MTUS2: variants seen among roughly 807,000 people sequenced by gnomAD.
MTUS2 encodes microtubule-associated tumor suppressor candidate 2.
MTUS2 carries 40 observed loss-of-function variants against 114.1 expected under a neutral mutation model. The observed-to-expected ratio is 0.35, with a 90% CI of 0.27 to 0.46. The LOEUF is 0.46. Among genes scored for constraint, MTUS2 ranks in the 20% least tolerant of loss-of-function variants. MTUS2 has a pLI of 1.00. For missense variants in MTUS2, 1,679 were observed against 1,705.4 expected, an observed-to-expected ratio of 0.98 and a Z score of 0.27; for synonymous variants, 688 against 672.0, an observed-to-expected ratio of 1.02 and a Z score of -0.37.
chr13:29,195,857 A>G (rs1355305728), intron 5 of MTUS2, among the ~76,000 whole-genome samples: 1 of 152,140 alleles, frequency 6.6e-6, no homozygotes, highest in Non-Finnish European at 1.5e-5. Context: ...TGATTTGGGG[A>G]AACTGGAAAA....
At chr13:28,843,634 T>C (rs904723472) in intron 2 of MTUS2, among the ~76,000 whole-genome samples, 10 of 152,224 alleles carry the variant, frequency 6.6e-5, no homozygotes, top group African/African-American at 2.4e-4. Flanking sequence ...AGAAACCATA[T>C]AAGCTTCTTT....
chr13:29,046,964 G>A (rs1474561028), intron 4 of MTUS2, among the ~76,000 whole-genome samples: 1 of 152,156 alleles, frequency 6.6e-6, no homozygotes, highest in Non-Finnish European at 1.5e-5. Context: ...CCCAGCCAAT[G>A]GGGAAAGGGT....
chr13:29,261,559 A>C (rs1029702150), intron 5 of MTUS2, among the ~76,000 whole-genome samples: 1 of 152,232 alleles, frequency 6.6e-6, no homozygotes, highest in Non-Finnish European at 1.5e-5. Flanking sequence ...TTAGAACAGA[A>C]AAAATCCAAG....
intron 8 of MTUS2, among the ~76,000 whole-genome samples, chr13:29,360,579 C>A (rs896697076): frequency 6.6e-6 from 1 of 151,928 alleles, no homozygotes; most frequent in Admixed American, 6.6e-5. Flanking sequence ...CCTCCCCAAC[C>A]AGAATTTTAA....
chr13:28,838,354 C>T (rs916919964), intron 1 of MTUS2, among the ~76,000 whole-genome samples: 2 of 152,296 alleles, frequency 1.3e-5, no homozygotes, highest in South Asian at 2.1e-4. Context: ...GTGCATGCTT[C>T]GAATTAACAT....
intron 5 of MTUS2, among the ~76,000 whole-genome samples, chr13:29,264,659 C>G (rs34192650): frequency 0.013 from 1,992 of 152,384 alleles, 27 homozygotes; most frequent in East Asian, 0.081. Flanking sequence ...CCACATGGAA[C>G]CTGCCAAGGC....
intron 5 of MTUS2, among the ~76,000 whole-genome samples, chr13:29,111,909 A>G (rs1593488570): frequency 6.6e-6 from 1 of 152,166 alleles, no homozygotes; most frequent in Non-Finnish European, 1.5e-5. Flanking sequence ...ATGATAAAGT[A>G]AGAAAGTGCC....
At chr13:29,076,686 A>G (rs1184821120) in intron 4 of MTUS2, among the ~76,000 whole-genome samples, 1 of 152,158 alleles carries the variant, frequency 6.6e-6, no homozygotes, top group Non-Finnish European at 1.5e-5. Context: ...GCAATCCAAG[A>G]GCCCAGGGAA....
intron 8 of MTUS2, among the ~76,000 whole-genome samples, chr13:29,405,722 C>T (rs1341919646): frequency 1.3e-5 from 2 of 149,476 alleles, no homozygotes; most frequent in South Asian, 2.1e-4. Flanking sequence ...TATATTATGA[C>T]GACCATGGGC....
In MTUS2 at chr13:29,248,258, G is replaced by C. The variant is rs377220661; in HGVS notation, c.2645-33446G>C. On this transcript the variant is annotated intron_variant, in intron 5 of 15. Transcript: ENST00000612955. Reference sequence around the variant, plus strand: ...TTGGAGACTTGGGGAAGGGTGGGAGGGGGGTCATGGATAAAAGACTGCACA... The same window carrying C: ...TTGGAGACTTGGGGAAGGGTGGGAGCGGGGTCATGGATAAAAGACTGCACA... Among the ~76,000 whole-genome samples the C allele has an allele frequency of 2.1e-4, 32 of 152,076 alleles. No individual in the cohort carries two copies. The East Asian group carries it at 5.4e-3, about 26-fold the overall frequency.
intron 2 of MTUS2, among the ~76,000 whole-genome samples, chr13:28,984,956 T>G (rs535274057): frequency 1.3e-5 from 2 of 152,350 alleles, no homozygotes; most frequent in East Asian, 3.9e-4. Context: ...GCATTCAGGA[T>G]AATGGATAAG....
rs192033395 is a variant in MTUS2 at position 29,232,525 on chromosome 13, G to A, written c.2645-49179G>A. ...CCCGACTCCGAGTTCAGGACACTAC[G>A]GGTTTCTAATCTGTTTTACAGAAAA... On this transcript the variant is annotated intron_variant, in intron 5 of 15. Transcript: ENST00000612955. 7.9e-5 allele frequency among the ~76,000 whole-genome samples: 12 copies of A among 152,250 alleles called. No homozygotes were observed. In the East Asian group the frequency reaches 1.4e-3, roughly 17 times the overall value.
intron 9 of MTUS2, among the ~76,000 whole-genome samples, chr13:29,460,174 C>A (rs759995705): frequency 2.6e-5 from 4 of 152,164 alleles, no homozygotes; most frequent in Non-Finnish European, 4.4e-5. Context: ...GAGAAACAGT[C>A]AATTGACTTG....
At chr13:28,925,326 G>A (rs1881267037) in intron 2 of MTUS2, among the ~76,000 whole-genome samples, 2 of 152,056 alleles carry the variant, frequency 1.3e-5, no homozygotes, top group African/African-American at 4.8e-5. Flanking sequence ...TTAAGTTCCT[G>A]TATTTTTCTG....
intron 7 of MTUS2, among the ~76,000 whole-genome samples, chr13:29,340,136 T>C (rs9551650): frequency 0.81 from 123,365 of 152,184 alleles, 50,894 homozygotes; most frequent in East Asian, 0.9. Flanking sequence ...CTCGCGGAAT[T>C]CGGGACATCA....
At chr13:29,334,010 C>T (rs990448473) in intron 7 of MTUS2, among the ~76,000 whole-genome samples, 1 of 151,894 alleles carries the variant, frequency 6.6e-6, no homozygotes, top group Non-Finnish European at 1.5e-5. Flanking sequence ...GGATTGCAAC[C>T]CCTGTTTTTT....
intron 1 of MTUS2, among the ~76,000 whole-genome samples, chr13:28,837,541 C>T (rs534022591): frequency 1.3e-5 from 2 of 152,146 alleles, no homozygotes; most frequent in Non-Finnish European, 2.9e-5. Context: ...TGAAATGGTA[C>T]CTGACATCTT....
At chr13:29,375,636 TATACACAC>T (rs1313820349) in intron 8 of MTUS2, among the ~76,000 whole-genome samples, 105 of 8,912 alleles carry the variant, frequency 0.012, 22 homozygotes, top group South Asian at 0.037. Context: ...TATATATATA[TATACACAC>T]ACCATGAAAT....
At chr13:29,482,936 G>A (rs1216434534) in intron 10 of MTUS2, among the ~76,000 whole-genome samples, 1 of 152,224 alleles carries the variant, frequency 6.6e-6, no homozygotes, top group Non-Finnish European at 1.5e-5. Flanking sequence ...TGCAGGAAGT[G>A]AGGAAGATGA....
Sources: allele counts gnomAD v4.1 joint callset (sites outside exome capture counted in the v4.1 genomes callset), GRCh38; gene constraint gnomAD v4.1.1; transcripts MANE v1.5; gene names NCBI Gene and HGNC (gene_info 2026-07-23, HGNC 2026-07-21).